Variants in WDR45 observed in about 807,000 individuals in gnomAD.
WDR45 encodes the protein WD repeat domain 45, also known as WD repeat domain phosphoinositide-interacting protein 4.
Under a neutral mutation model 27.3 loss-of-function variants are expected in WDR45, and 2 were observed. The ratio of observed to expected loss-of-function variants is 0.07; its 90% CI spans 0.03 to 0.23. WDR45 has a LOEUF of 0.23. WDR45 is among the 10% of genes least tolerant of loss of function. The pLI is 1.00. For synonymous variants in WDR45, 99 were observed against 119.2 expected (o/e 0.83, Z 1.11); for missense variants, 175 against 311.9 (o/e 0.56, Z 3.31).
At chrX:49,086,334 G>A (rs1557085895) in intron 2 of WDR45, among the ~76,000 whole-genome samples, 1 of 111,148 alleles carries the variant, frequency 9.0e-6, no homozygotes, top group East Asian at 2.8e-4. Context: ...TGTATTTTTA[G>A]TAGAGACGGG....
At chrX:49,090,824 C>T (rs1217377012) in intron 2 of WDR45, among the ~76,000 whole-genome samples, 3 of 109,921 alleles carry the variant, frequency 2.7e-5, no homozygotes, top group African/African-American at 1.0e-4. Context: ...AGGTGTGAGC[C>T]ACCGTAATCC....
intron 10 of WDR45, 110 bp from the exon 11 acceptor site, chrX:49,075,022 T>G: frequency 8.8e-7 from 1 of 1,138,051 alleles, no homozygotes; most frequent in Admixed American, 2.3e-5. Flanking sequence ...CCCAGTGCTG[T>G]CCCCCTTACT....
Position 49,074,772 on chromosome X carries a change from C to T in WDR45, c.*31G>A. ...AAGGCTCAGCTCTGCAGTTCTGCCACTGCAGGTCCCTAGCACAGCCCCCAG... is the reference window on the plus strand; with the variant it reads ...AAGGCTCAGCTCTGCAGTTCTGCCATTGCAGGTCCCTAGCACAGCCCCCAG... On this transcript the variant is annotated 3_prime_UTR_variant, in exon 11 of 11. Transcript: ENST00000376372. 1 of 1,149,574 alleles carries T rather than the reference C, an allele frequency of 8.7e-7. No homozygotes were observed. Among genetic ancestry groups the T allele is most frequent in the Non-Finnish European group, 1.2e-6 (1 of 840,049 alleles). 94.7% of individuals were successfully genotyped at this position (1,149,574 alleles called of 1,213,427 possible).
At chrX:49,096,483 A>T (rs2065126006) in intron 2 of WDR45, among the ~76,000 whole-genome samples, 1 of 112,382 alleles carries the variant, frequency 8.9e-6, no homozygotes, top group African/African-American at 3.2e-5. Context: ...CTCCTGTCTC[A>T]GCCTCCCAAA....
intron 2 of WDR45, among the ~76,000 whole-genome samples, chrX:49,094,472 A>G (rs1380782446): frequency 9.0e-6 from 1 of 110,966 alleles, no homozygotes; most frequent in Admixed American, 9.7e-5. Context: ...GTCTCAAAGA[A>G]AAAAAATTTT....
chrX:49,084,685 C>G (rs1378110230), upstream of WDR45, among the ~76,000 whole-genome samples: 1 of 106,054 alleles, frequency 9.4e-6, no homozygotes, highest in African/African-American at 3.4e-5. Flanking sequence ...CAGGCACAAT[C>G]TCACAATGGC....
chrX:49,095,759 CTTTTTTTTTTT>C (rs1204267334), intron 2 of WDR45, among the ~76,000 whole-genome samples: 2 of 26,155 alleles, frequency 7.6e-5, no homozygotes, highest in Admixed American at 8.0e-4. Flanking sequence ...CGTGCCCGGC[CTTTTTTTTTTT>C]TTTTTTTTTT....
intron 2 of WDR45, among the ~76,000 whole-genome samples, chrX:49,094,735 T>G (rs903284081): frequency 1.8e-5 from 2 of 110,763 alleles, no homozygotes; most frequent in Non-Finnish European, 3.8e-5. Flanking sequence ...TGAGACATAG[T>G]TGGCACTCAA....
chrX:49,084,032 T>A (rs1484024226), upstream of WDR45, among the ~76,000 whole-genome samples: 1 of 101,700 alleles, frequency 9.8e-6, no homozygotes, highest in Admixed American at 1.1e-4. Flanking sequence ...TTAATTCCCC[T>A]CCATTTTCTT....
chrX:49,079,623 T>A (rs1557084798), intron 1 of WDR45, 128 bp downstream of exon 1: 1 of 112,316 alleles, frequency 8.9e-6, no homozygotes, highest in East Asian at 2.8e-4. Context: ...ATTCCAAGAC[T>A]CTGTCCGGGA....
intron 2 of WDR45, among the ~76,000 whole-genome samples, chrX:49,097,359 G>A (rs1228099888): frequency 8.9e-5 from 8 of 90,317 alleles, no homozygotes; most frequent in African/African-American, 3.3e-4. Context: ...ACAGAGTCTC[G>A]CTCTGTCGCC....
At chrX:49,085,005 C>T (rs1367706771) in intron 2 of WDR45, among the ~76,000 whole-genome samples, 3 of 111,925 alleles carry the variant, frequency 2.7e-5, no homozygotes, top group Non-Finnish European at 3.8e-5. Context: ...TGGGAAACAA[C>T]GTGAGCACTA....
In WDR45 at chrX:49,076,422, C is replaced by A. The variant is rs781785129; in HGVS notation, c.436+8G>T. The A allele has an allele frequency of 8.3e-7, 1 of 1,210,258 alleles. No individual in the cohort carries two copies. On this transcript the variant is annotated splice_region_variant and intron_variant, in intron 6 of 10. Transcript: ENST00000376372. Reference sequence around the variant, plus strand: ...TGCCCTTACACCTGTGTATCTGAGCCCTCTCACCCTTGGGGTTGTCCCGGG... The same window carrying A: ...TGCCCTTACACCTGTGTATCTGAGCACTCTCACCCTTGGGGTTGTCCCGGG...
At chrX:49,095,939 A>ATT (rs1180781445) in intron 2 of WDR45, among the ~76,000 whole-genome samples, 1 of 93,202 alleles carries the variant, frequency 1.1e-5, no homozygotes, top group Non-Finnish European at 2.1e-5. Flanking sequence ...TTGTTTTTGT[A>ATT]TTTTTTTTTT....
chrX:49,075,416 C>T lies in WDR45; in HGVS notation c.775G>A (p.Gly259Ser). The change falls in exon 9 of 11, where the codon GGT becomes AGT. Residue 259 changes from glycine to serine, a missense_variant. Physicochemically the swap from Gly to Ser is moderately conservative, Grantham distance 56. Transcript: ENST00000376372. ...TTGAGAGCAAAGATATGGACAGTAC[C>T]CTTATCACTGGAAGCGCAGAGGAAG... ...SSFLCASSDK[G>S]TVHIFALKDT... The T allele has an allele frequency of 8.3e-7, 1 of 1,209,301 alleles. No homozygotes were observed. Among genetic ancestry groups the T allele is most frequent in the Non-Finnish European group, 1.1e-6 (1 of 894,284 alleles).
At chrX:49,091,356 A>G (rs1352246494) in intron 2 of WDR45, among the ~76,000 whole-genome samples, 1 of 111,329 alleles carries the variant, frequency 9.0e-6, no homozygotes, top group African/African-American at 3.3e-5. Flanking sequence ...CAAGAGAATC[A>G]CTTGAAACCG....
chrX:49,097,870 C>A (rs1314137926), intron 2 of WDR45, among the ~76,000 whole-genome samples: 7 of 100,746 alleles, frequency 6.9e-5, no homozygotes, highest in Admixed American at 1.1e-4. Context: ...GTTGGTCAGG[C>A]CGGTCTTGAA....
In WDR45 at chrX:49,074,744, G is replaced by A. The variant is rs1339524358; in HGVS notation, c.*59C>T. 9.5e-6 allele frequency: 10 copies of A among 1,050,250 alleles called. No homozygotes were observed. In the Admixed American group the frequency reaches 2.3e-4, roughly 24 times the overall value. The allele number at this position is 1,050,250 out of a possible 1,213,427, so 86.6% of individuals were successfully genotyped here. ...TGGTGGCTTCCAAGCACGCCCCACT[G>A]CCAAGGCTCAGCTCTGCAGTTCTGC... On this transcript the variant is annotated 3_prime_UTR_variant, in exon 11 of 11. Transcript: ENST00000376372.
At chrX:49,077,034 C>T in intron 4 of WDR45, 1 of 334,811 alleles carries the variant, frequency 3.0e-6, no homozygotes, top group African/African-American at 2.6e-5. Context: ...CAGGGACTCA[C>T]ACTCAGGCCT....
Sources: allele counts gnomAD v4.1 joint callset (sites outside exome capture counted in the v4.1 genomes callset), GRCh38; gene constraint gnomAD v4.1.1; transcripts MANE v1.5; gene names NCBI Gene and HGNC (gene_info 2026-07-23, HGNC 2026-07-21).